KCNQ3: variants seen among roughly 807,000 people sequenced by gnomAD.
KCNQ3 encodes the protein potassium voltage-gated channel subfamily Q member 3.
Under a neutral mutation model 92.5 loss-of-function variants are expected in KCNQ3, and 30 were observed. That is an observed-to-expected ratio of 0.32 (90% CI 0.24 to 0.44). The LOEUF (loss-of-function observed/expected upper bound fraction) is 0.44. Ranked by LOEUF, KCNQ3 falls within the 20% of genes least tolerant of loss-of-function variation. KCNQ3 has a pLI of 1.00. For synonymous variants in KCNQ3, 450 were observed against 468.8 expected (o/e 0.96, Z 0.52); for missense variants, 913 against 1,140.3 (o/e 0.80, Z 2.87).
chr8:132,373,400 C>A (rs1819527530), intron 1 of KCNQ3, among the ~76,000 whole-genome samples: 1 of 152,160 alleles, frequency 6.6e-6, no homozygotes, highest in Non-Finnish European at 1.5e-5. Flanking sequence ...ATTAATATGA[C>A]ATACTAAGAA....
chr8:132,273,577 C>G (rs1359468665), intron 1 of KCNQ3, among the ~76,000 whole-genome samples: 1 of 152,170 alleles, frequency 6.6e-6, no homozygotes, highest in African/African-American at 2.4e-5. Flanking sequence ...CTCTTTGTTG[C>G]TTATGCACAT....
At chr8:132,419,142 C>T (rs556409963) in intron 1 of KCNQ3, among the ~76,000 whole-genome samples, 16 of 152,276 alleles carry the variant, frequency 1.1e-4, no homozygotes, top group East Asian at 9.7e-4. Context: ...CCTAATACTT[C>T]GGGAACTAAG....
chr8:132,162,705 G>C (rs1826027113), intron 9 of KCNQ3, among the ~76,000 whole-genome samples: 1 of 152,174 alleles, frequency 6.6e-6, no homozygotes, highest in African/African-American at 2.4e-5. Context: ...TCTTCCAAGT[G>C]GGATTTTGTG....
In KCNQ3 at chr8:132,441,502, C is replaced by T. The variant is rs554183269; in HGVS notation, c.386+38645G>A. Among the ~76,000 whole-genome samples the T allele has an allele frequency of 1.4e-3, 219 of 152,156 alleles. 1 individual carries two copies. Among genetic ancestry groups the T allele is most frequent in the African/African-American group, 5.0e-3 (207 of 41,518 alleles). On this transcript the variant is annotated intron_variant, in intron 1 of 14. Coordinates refer to ENST00000388996, the MANE Select transcript of KCNQ3 (RefSeq NM_004519.4). Reference sequence around the variant, plus strand: ...CCGGAAGGCAGAGCTTGCCGTGAGCCGAGATCGCACCACTGCACTCCAGCC... The same window carrying T: ...CCGGAAGGCAGAGCTTGCCGTGAGCTGAGATCGCACCACTGCACTCCAGCC...
At chr8:132,203,228 G>A (rs981885569) in intron 1 of KCNQ3, among the ~76,000 whole-genome samples, 11 of 152,116 alleles carry the variant, frequency 7.2e-5, no homozygotes, top group South Asian at 2.1e-4. Flanking sequence ...CTGTTGCATC[G>A]GGGAGTAAGT....
At chr8:132,370,004 G>A (rs1250386085) in intron 1 of KCNQ3, among the ~76,000 whole-genome samples, 1 of 152,094 alleles carries the variant, frequency 6.6e-6, no homozygotes, top group Non-Finnish European at 1.5e-5. Flanking sequence ...TCTCTTGCTG[G>A]AATTCCACTC....
intron 1 of KCNQ3, among the ~76,000 whole-genome samples, chr8:132,404,264 G>T (rs1820421736): frequency 6.6e-6 from 1 of 152,092 alleles, no homozygotes; most frequent in Non-Finnish European, 1.5e-5. Context: ...TGAGTAAGTT[G>T]CCTGATGTCT....
intron 1 of KCNQ3, among the ~76,000 whole-genome samples, chr8:132,294,827 T>C (rs1473513331): frequency 2.0e-5 from 3 of 152,196 alleles, no homozygotes; most frequent in Admixed American, 6.5e-5. Context: ...CTTAAAGTTA[T>C]TGGGCATTTG....
chr8:132,228,813 T>C (rs1028064445), intron 1 of KCNQ3, among the ~76,000 whole-genome samples: 1 of 150,066 alleles, frequency 6.7e-6, no homozygotes, highest in Non-Finnish European at 1.5e-5. Context: ...TTCTATGAGA[T>C]AGAGCCAGGA....
intron 1 of KCNQ3, among the ~76,000 whole-genome samples, chr8:132,221,289 T>C (rs189910605): frequency 2.5e-3 from 374 of 152,324 alleles, no homozygotes; most frequent in Non-Finnish European, 3.5e-3. Context: ...TGTGCATGTG[T>C]CTTTATAGTA....
At chr8:132,278,174 A>G in intron 1 of KCNQ3, 1 of 985,280 alleles carries the variant, frequency 1.0e-6, no homozygotes, top group Non-Finnish European at 1.2e-6. Flanking sequence ...CAACCCAGAG[A>G]TGTCATGTAA....
At chr8:132,161,708 G>T (rs1011751093) in intron 9 of KCNQ3, among the ~76,000 whole-genome samples, 6 of 152,062 alleles carry the variant, frequency 3.9e-5, no homozygotes, top group African/African-American at 1.2e-4. Context: ...GGAACACCAG[G>T]TGGCTGTCGG....
At chr8:132,197,625 G>A (rs1264164522) in intron 1 of KCNQ3, among the ~76,000 whole-genome samples, 1 of 151,464 alleles carries the variant, frequency 6.6e-6, no homozygotes, top group Non-Finnish European at 1.5e-5. Flanking sequence ...TTCTTCTCCA[G>A]GACAAACCAT....
intron 1 of KCNQ3, among the ~76,000 whole-genome samples, chr8:132,471,856 T>A (rs556046714): frequency 2.6e-5 from 4 of 151,892 alleles, no homozygotes; most frequent in African/African-American, 9.7e-5. Flanking sequence ...GGAGAAAAAA[T>A]TGAAAACTAT....
At chr8:132,304,512 A>G (rs1160989480) in intron 1 of KCNQ3, among the ~76,000 whole-genome samples, 1 of 152,172 alleles carries the variant, frequency 6.6e-6, no homozygotes, top group African/African-American at 2.4e-5. Context: ...AGTTATTTAG[A>G]GCAACACTGT....
intron 1 of KCNQ3, among the ~76,000 whole-genome samples, chr8:132,228,868 A>G (rs1814528514): frequency 6.6e-6 from 1 of 152,102 alleles, no homozygotes; most frequent in Admixed American, 6.6e-5. Flanking sequence ...TGTGTTAGTG[A>G]GTTGAGCATT....
chr8:132,379,074 GC>G (rs1819679846), intron 1 of KCNQ3, among the ~76,000 whole-genome samples: 1 of 152,142 alleles, frequency 6.6e-6, no homozygotes, highest in African/African-American at 2.4e-5. Flanking sequence ...GAAGTCCCCT[GC>G]ATTTTGGTTG....
chr8:132,447,576 A>AG (rs1000762288), intron 1 of KCNQ3, among the ~76,000 whole-genome samples: 4 of 152,176 alleles, frequency 2.6e-5, no homozygotes, highest in African/African-American at 7.2e-5. Context: ...GGAGAGAGAG[A>AG]AGAAGAAAAG....
intron 1 of KCNQ3, among the ~76,000 whole-genome samples, chr8:132,458,720 G>T (rs1325542340): frequency 6.6e-6 from 1 of 152,220 alleles, no homozygotes; most frequent in Non-Finnish European, 1.5e-5. Context: ...CTCCCAAAGT[G>T]CTGGGATTAT....
Sources: allele counts gnomAD v4.1 joint callset (sites outside exome capture counted in the v4.1 genomes callset), GRCh38; gene constraint gnomAD v4.1.1; transcripts MANE v1.5; gene names NCBI Gene and HGNC (gene_info 2026-07-23, HGNC 2026-07-21).